ADGRB3: variants seen among roughly 807,000 people sequenced by gnomAD.
ADGRB3 encodes the protein adhesion G protein-coupled receptor B3, also known as brain-specific angiogenesis inhibitor 3.
In ADGRB3, 37 loss-of-function variants were observed where a neutral mutation model predicts 193.4. The ratio of observed to expected loss-of-function variants is 0.19; its 90% CI spans 0.15 to 0.25. ADGRB3 has a LOEUF of 0.25. Among genes scored for constraint, ADGRB3 ranks in the 10% least tolerant of loss-of-function variants. The probability of loss-of-function intolerance (pLI) is 1.00; values close to 1 mark genes in which losing one functional copy is unlikely to be tolerated. For synonymous variants in ADGRB3, 690 were observed against 644.2 expected (o/e 1.07, Z -1.08); for missense variants, 1,637 against 1,852.9 (o/e 0.88, Z 2.14).
intron 20 of ADGRB3, among the ~76,000 whole-genome samples, chr6:69,297,406 C>T (rs1174613081): frequency 1.4e-5 from 2 of 144,066 alleles, no homozygotes; most frequent in African/African-American, 5.2e-5. Context: ...CTCTCTCTCT[C>T]TCTCTATATA....
At chr6:69,295,051 T>C (rs550038843) in intron 20 of ADGRB3, among the ~76,000 whole-genome samples, 1 of 152,298 alleles carries the variant, frequency 6.6e-6, no homozygotes, top group Admixed American at 6.5e-5. Flanking sequence ...AAGCCTGCTC[T>C]GACTGACCTG....
chr6:69,001,150 T>C (rs1310906165), intron 11 of ADGRB3, among the ~76,000 whole-genome samples: 1 of 152,194 alleles, frequency 6.6e-6, no homozygotes, highest in Non-Finnish European at 1.5e-5. Flanking sequence ...TAAGTAAAGA[T>C]GTCATGGTAG....
At chr6:68,763,955 C>T (rs1339036518) in intron 3 of ADGRB3, among the ~76,000 whole-genome samples, 2 of 152,060 alleles carry the variant, frequency 1.3e-5, no homozygotes, top group Non-Finnish European at 2.9e-5. Context: ...TGTCTGTAGT[C>T]CCAGCTACTC....
At chr6:69,236,952 G>A (rs534483885) in intron 19 of ADGRB3, among the ~76,000 whole-genome samples, 1 of 152,028 alleles carries the variant, frequency 6.6e-6, no homozygotes, top group South Asian at 2.1e-4. Context: ...AAAAGTTAGT[G>A]GTCATCAACT....
chr6:68,824,516 A>C (rs560144124), intron 3 of ADGRB3, among the ~76,000 whole-genome samples: 1 of 148,614 alleles, frequency 6.7e-6, no homozygotes, highest in Non-Finnish European at 1.5e-5. Context: ...TTTCCTATAC[A>C]TATAATATAT....
intron 10 of ADGRB3, among the ~76,000 whole-genome samples, chr6:68,977,531 C>A (rs1768783903): frequency 6.6e-6 from 1 of 152,038 alleles, no homozygotes. Flanking sequence ...TTCTTGAGTG[C>A]AGGCCATCTG....
intron 20 of ADGRB3, among the ~76,000 whole-genome samples, chr6:69,254,134 G>T (rs1342007207): frequency 1.3e-5 from 2 of 152,106 alleles, no homozygotes; most frequent in African/African-American, 4.8e-5. Flanking sequence ...GTAAATGAGA[G>T]CAAGTTTTAA....
At chr6:69,144,001 T>G (rs1315648072) in intron 17 of ADGRB3, among the ~76,000 whole-genome samples, 1 of 152,216 alleles carries the variant, frequency 6.6e-6, no homozygotes, top group Non-Finnish European at 1.5e-5. Context: ...TATTGATTCT[T>G]CCAATCCATG....
At position 69,272,384 on chromosome 6, in the gene ADGRB3, T is replaced by A. The variant is rs544595874; in HGVS notation, c.2814+33158T>A. Among the ~76,000 whole-genome samples, 7 of 152,218 alleles carry A rather than the reference T, an allele frequency of 4.6e-5. No homozygotes were observed. The South Asian group carries it at 1.2e-3, about 27-fold the overall frequency. On this transcript the variant is annotated intron_variant, in intron 20 of 31. Transcript: ENST00000370598. ...CAAGAGAGAAGGAAGGAAATAATTC[T>A]GCACAACAAAAGAATGGAAAGGAAA...
intron 17 of ADGRB3, among the ~76,000 whole-genome samples, chr6:69,127,422 C>G (rs1002330311): frequency 4.6e-5 from 7 of 152,116 alleles, no homozygotes; most frequent in Non-Finnish European, 1.5e-5. Context: ...GCTTATTGTC[C>G]TTTCTTTAAT....
At chr6:69,160,810 A>G (rs1405198516) in intron 17 of ADGRB3, among the ~76,000 whole-genome samples, 1 of 152,158 alleles carries the variant, frequency 6.6e-6, no homozygotes, top group Non-Finnish European at 1.5e-5. Flanking sequence ...TAGAGAGAGT[A>G]AAGAATAGTT....
intron 3 of ADGRB3, among the ~76,000 whole-genome samples, chr6:68,777,763 T>G (rs993328419): frequency 1.3e-5 from 2 of 151,966 alleles, no homozygotes; most frequent in Non-Finnish European, 2.9e-5. Flanking sequence ...AAAGGTGTTT[T>G]AAGCTGACTC....
At chr6:68,787,920 A>C (rs2127364815) in intron 3 of ADGRB3, among the ~76,000 whole-genome samples, 1 of 152,306 alleles carries the variant, frequency 6.6e-6, no homozygotes. Flanking sequence ...CATTTCCTCT[A>C]GATTTTCTAG....
chr6:68,974,819 C>G lies in ADGRB3; in HGVS notation c.1582C>G (p.Pro528Ala). 3 of 1,613,896 alleles carry G rather than the reference C, an allele frequency of 1.9e-6. No individual in the cohort carries two copies. Among genetic ancestry groups the G allele is most frequent in the Non-Finnish European group, 2.5e-6 (3 of 1,179,896 alleles). The change falls in exon 9 of 32, where the codon CCA becomes GCA. Residue 528 changes from proline (P) to alanine (A), a missense_variant. By Grantham distance (27) the Pro-to-Ala change is conservative (BLOSUM62 -1). This residue lies in a region of ADGRB3 where 641 missense variants were observed against 673.9 expected (regional missense o/e 0.95). Coordinates refer to ENST00000370598, the MANE Select transcript of ADGRB3 (RefSeq NM_001704.3). ...GATGTCGATGGTGTGGAAAAGAACT[C>G]CAGCAGGCGACTTGGCATTCAATCA... Reference protein sequence around the residue: ...YLMSMVWKRTPAGDLAFNQCP... With the variant: ...YLMSMVWKRTAAGDLAFNQCP...
chr6:68,834,128 C>A (rs1401836343), intron 3 of ADGRB3, among the ~76,000 whole-genome samples: 1 of 151,768 alleles, frequency 6.6e-6, no homozygotes, highest in Non-Finnish European at 1.5e-5. Flanking sequence ...AAATAACATG[C>A]AAACCTAGTC....
chr6:69,114,032 G>T lies in ADGRB3; in HGVS notation c.2480+37994G>T, dbSNP rs772111591. On this transcript the variant is annotated intron_variant, in intron 17 of 31. Transcript: ENST00000370598. ...TGCCCAGGACAATGAATGGCCCAAA[G>T]AATGAGATTCTGGGAGGGCAAAATC... Among the ~76,000 whole-genome samples the T allele has an allele frequency of 3.2e-4, 48 of 152,158 alleles. 1 individual carries two copies. The highest frequency in any genetic ancestry group is 7.1e-4 in the Non-Finnish European group (48 of 68,014).
At chr6:69,278,204 AT>A (rs1767343962) in intron 20 of ADGRB3, among the ~76,000 whole-genome samples, 1 of 152,234 alleles carries the variant, frequency 6.6e-6, no homozygotes, top group Non-Finnish European at 1.5e-5. Context: ...AGCATTTTCA[AT>A]ACAACAAGGC....
At chr6:69,302,417 C>A (rs1020696152) in intron 20 of ADGRB3, among the ~76,000 whole-genome samples, 18 of 151,788 alleles carry the variant, frequency 1.2e-4, no homozygotes, top group African/African-American at 4.1e-4. Context: ...TGTTTTGTCC[C>A]CGAAGTCAGA....
intron 3 of ADGRB3, among the ~76,000 whole-genome samples, chr6:68,819,499 C>T (rs895010048): frequency 6.6e-6 from 1 of 151,940 alleles, no homozygotes; most frequent in African/African-American, 2.4e-5. Context: ...TTCATTCATT[C>T]CCATAAATTG....
Sources: gnomAD v4.1 joint callset for allele counts (sites outside exome capture counted in the v4.1 genomes callset) on GRCh38, gnomAD v4.1.1 for gene constraint, gnomAD v4.1.1 regional missense constraint, MANE v1.5 for transcripts, NCBI Gene and HGNC (gene_info 2026-07-23, HGNC 2026-07-21) for gene names.